The following KPNA6 variants were observed in gnomAD, a reference collection of about 807,000 sequenced individuals.
KPNA6 encodes the protein karyopherin subunit alpha 6, also known as importin subunit alpha-7.
Under a neutral mutation model 72.0 loss-of-function variants are expected in KPNA6, and 9 were observed. The ratio of observed to expected loss-of-function variants is 0.13; its 90% confidence interval spans 0.08 to 0.22. The LOEUF is 0.22. Ranked by LOEUF, KPNA6 falls within the 10% of genes least tolerant of loss-of-function variation. The probability of loss-of-function intolerance (pLI) is 1.00; values close to 1 mark genes in which losing one functional copy is unlikely to be tolerated. For missense variants in KPNA6, 374 were observed against 655.7 expected (o/e 0.57, Z 4.69); for synonymous variants, 219 against 242.1 (o/e 0.90, Z 0.89).
rs765934264 is a variant in KPNA6, at chr1:32,120,387, G to C, written c.4+12253G>C. Among the ~76,000 whole-genome samples, 3 of 150,898 alleles carry C rather than the reference G, an allele frequency of 2.0e-5. No homozygotes were observed. In the South Asian group the frequency reaches 6.3e-4, roughly 32 times the overall value. Reference sequence around the variant, plus strand: ...AGCCTCCCAAGTAGCTGGGATTACAGGCATGGACCACCATGCCTCCCTAAC... The same window carrying C: ...AGCCTCCCAAGTAGCTGGGATTACACGCATGGACCACCATGCCTCCCTAAC... On this transcript the variant is annotated intron_variant, in intron 1 of 13. Coordinates refer to ENST00000373625, the MANE Select transcript of KPNA6 (RefSeq NM_012316.5).
intron 1 of KPNA6, among the ~76,000 whole-genome samples, chr1:32,140,442 G>A (rs149761209): frequency 1.3e-5 from 2 of 152,124 alleles, no homozygotes; most frequent in East Asian, 3.9e-4. Flanking sequence ...GTAATTGGGC[G>A]AAGTGCCAAG....
intron 1 of KPNA6, among the ~76,000 whole-genome samples, chr1:32,130,137 C>T (rs1641611459): frequency 6.6e-6 from 1 of 151,530 alleles, no homozygotes; most frequent in South Asian, 2.1e-4. Flanking sequence ...CCTCCCTCTA[C>T]AGATATTAGA....
intron 1 of KPNA6, among the ~76,000 whole-genome samples, chr1:32,135,336 G>T (rs1166038418): frequency 6.6e-6 from 1 of 152,000 alleles, no homozygotes; most frequent in Non-Finnish European, 1.5e-5. Context: ...CAAAGTTCTG[G>T]GATTACATGT....
At chr1:32,165,729 G>A (rs1475385678) in intron 10 of KPNA6, among the ~76,000 whole-genome samples, 1 of 151,862 alleles carries the variant, frequency 6.6e-6, no homozygotes, top group East Asian at 1.9e-4. Context: ...CGGGCACAGT[G>A]GCTCACACCT....
In KPNA6 at chr1:32,170,869, C is replaced by T. The variant is rs763890077; in HGVS notation, c.1586C>T (p.Ala529Val). 1 of 1,614,162 alleles carries T rather than the reference C, an allele frequency of 6.2e-7. No individual in the cohort carries two copies. Among genetic ancestry groups the T allele is most frequent in the South Asian group, 1.1e-5 (1 of 91,088 alleles). Residue 529 changes from alanine (A) to valine (V), a missense_variant, in exon 14 of 14, where the codon GCC becomes GTC. By Grantham distance (64) the Ala-to-Val change is moderately conservative (BLOSUM62 0). This residue lies in a region of KPNA6 where 42 missense variants were observed against 49.8 expected (regional missense o/e 0.84). Coordinates refer to ENST00000373625, the MANE Select transcript of KPNA6 (RefSeq NM_012316.5). ...CAGTTCATCTTCCAGCAGCCTGAGGCCCCCATGGAGGGCTTCCAGCTATAA... is the reference window on the plus strand; with the variant it reads ...CAGTTCATCTTCCAGCAGCCTGAGGTCCCCATGGAGGGCTTCCAGCTATAA... Reference protein sequence around the residue: ...QQQFIFQQPEAPMEGFQL With the variant: ...QQQFIFQQPEVPMEGFQL
chr1:32,111,677 T>A (rs1160040861), intron 1 of KPNA6, among the ~76,000 whole-genome samples: 1 of 152,202 alleles, frequency 6.6e-6, no homozygotes, highest in Admixed American at 6.5e-5. Flanking sequence ...TAACACAGCC[T>A]GCCTTCACAT....
At chr1:32,157,768 C>T (rs1642170066) in intron 4 of KPNA6, among the ~76,000 whole-genome samples, 1 of 152,170 alleles carries the variant, frequency 6.6e-6, no homozygotes, top group African/African-American at 2.4e-5. Context: ...TAAAATGACT[C>T]TTCCCACTAG....
intron 1 of KPNA6, among the ~76,000 whole-genome samples, chr1:32,139,759 A>T (rs759353429): frequency 6.6e-6 from 1 of 152,210 alleles, no homozygotes; most frequent in Non-Finnish European, 1.5e-5. Context: ...TTGCAGATAC[A>T]TACTGAAATG....
At chr1:32,124,150 A>G (rs1641488582) in intron 1 of KPNA6, among the ~76,000 whole-genome samples, 1 of 151,590 alleles carries the variant, frequency 6.6e-6, no homozygotes, top group Non-Finnish European at 1.5e-5. Flanking sequence ...GTTGAGGAGG[A>G]TCGCTTGAGC....
intron 1 of KPNA6, among the ~76,000 whole-genome samples, chr1:32,109,886 G>A (rs1641215499): frequency 6.6e-6 from 1 of 151,610 alleles, no homozygotes. Context: ...TTGATCTCCT[G>A]ACCTCGTGAT....
chr1:32,134,615 G>A (rs528801203), intron 1 of KPNA6, among the ~76,000 whole-genome samples: 2 of 149,676 alleles, frequency 1.3e-5, no homozygotes, highest in African/African-American at 4.9e-5. Flanking sequence ...TCAAACCTGG[G>A]CAACAGAGCA....
chr1:32,157,509 G>A, intron 4 of KPNA6, 64 bp downstream of exon 4: 1 of 1,186,076 alleles, frequency 8.4e-7, no homozygotes, highest in Admixed American at 1.8e-5. Flanking sequence ...CTTCACTGAT[G>A]TCATCAACTT....
intron 1 of KPNA6, among the ~76,000 whole-genome samples, chr1:32,117,380 G>A (rs575104556): frequency 6.6e-6 from 1 of 151,784 alleles, no homozygotes; most frequent in East Asian, 1.9e-4. Flanking sequence ...TACCATCTTG[G>A]CCAGGCTGGT....
chr1:32,171,981 T>TTCTTCTTCTTCC lies in KPNA6; in HGVS notation c.*1093_*1104dup, dbSNP rs1294873961. 10 of 152,360 alleles carry TTCTTCTTCTTCC rather than the reference T, an allele frequency of 6.6e-5. No homozygotes were observed. The highest frequency in any genetic ancestry group is 1.5e-4 in the Non-Finnish European group (10 of 68,074). The allele number at this position is 152,360 out of a possible 1,614,324, so 9.4% of individuals were successfully genotyped here. On this transcript the variant is annotated 3_prime_UTR_variant, in exon 14 of 14. Coordinates refer to ENST00000373625, the MANE Select transcript of KPNA6 (RefSeq NM_012316.5). ...GGATCCCTGCCTTTGGCCTTTCTTCTTCTTCTTCTTCCTCTTCCATAGTTG... is the reference window on the plus strand; with the variant it reads ...GGATCCCTGCCTTTGGCCTTTCTTCTTCTTCTTCTTCCTCTTCTTCTTCCTCTTCCATAGTTG...
chr1:32,114,451 AATAT>A (rs1553125089), intron 1 of KPNA6, among the ~76,000 whole-genome samples: 61 of 145,528 alleles, frequency 4.2e-4, no homozygotes, highest in East Asian at 5.9e-4. Flanking sequence ...CAAAAAAAAA[AATAT>A]ATATATATAT....
intron 1 of KPNA6, 96 bp from the exon 2 acceptor site, chr1:32,154,492 G>A (rs923408732): frequency 6.1e-6 from 8 of 1,314,046 alleles, no homozygotes; most frequent in Middle Eastern, 3.8e-4. Flanking sequence ...TCCCCCCAGA[G>A]TAGGGGAGGG....
At position 32,119,032 on chromosome 1, in the gene KPNA6, A is replaced by AT. The variant is rs71006332; in HGVS notation, c.4+10915dup. Among the ~76,000 whole-genome samples, 168 of 40,276 alleles carry AT rather than the reference A, an allele frequency of 4.2e-3. 6 individuals are homozygous for AT. The highest frequency in any genetic ancestry group is 0.019 in the Middle Eastern group (1 of 52). The allele number at this position is 40,276 out of a possible 152,430, so 26.4% of individuals were successfully genotyped here. On this transcript the variant is annotated intron_variant, in intron 1 of 13. Coordinates refer to ENST00000373625, the MANE Select transcript of KPNA6 (RefSeq NM_012316.5). ...TATATATATATATATATATATATAT[A>AT]TTTTTTTTTTTTTTTTTGAGAGAGA...
At chr1:32,109,613 C>T (rs1641208686) in intron 1 of KPNA6, among the ~76,000 whole-genome samples, 2 of 149,998 alleles carry the variant, frequency 1.3e-5, no homozygotes. Context: ...TTTTGTTTTG[C>T]TTTTTGTTTT....
chr1:32,154,884 G>T (rs541344258), intron 2 of KPNA6, among the ~76,000 whole-genome samples, 163 bp downstream of exon 2: 1 of 152,178 alleles, frequency 6.6e-6, no homozygotes, highest in East Asian at 1.9e-4. Flanking sequence ...AAGGCAGGCA[G>T]ATCACCTGAG....
Sources: allele counts gnomAD v4.1 joint callset (sites outside exome capture counted in the v4.1 genomes callset), GRCh38; gene constraint gnomAD v4.1.1; regional missense constraint gnomAD v4.1.1; transcripts MANE v1.5; gene names NCBI Gene and HGNC (gene_info 2026-07-23, HGNC 2026-07-21).